STAB2: variants seen among roughly 807,000 people sequenced by gnomAD.
The protein encoded by STAB2 is stabilin-2.
In STAB2, 288 loss-of-function variants were observed where a neutral mutation model predicts 338.1. The ratio of observed to expected loss-of-function variants is 0.85; its 90% CI spans 0.77 to 0.94. STAB2 has a LOEUF of 0.94. STAB2 is among the 40% of genes least tolerant of loss of function. STAB2 has a pLI of 0.00. For missense variants in STAB2, 3,141 were observed against 3,210.1 expected, an observed-to-expected ratio of 0.98 and a Z score of 0.52; for synonymous variants, 1,202 against 1,193.3, an observed-to-expected ratio of 1.01 and a Z score of -0.15.
rs543807036 is a variant in STAB2 at position 103,727,460 on chromosome 12, C to G, written c.4935+110C>G. On this transcript the variant is annotated intron_variant, in intron 47 of 68. Transcript: ENST00000388887. Reference sequence around the variant, plus strand: ...TGTTTCTAAGCAGGAGCTCTGAGATCAGGTGGAACTCACCAGCAATAGAAG... The same window carrying G: ...TGTTTCTAAGCAGGAGCTCTGAGATGAGGTGGAACTCACCAGCAATAGAAG... 2.4e-6 allele frequency: 3 copies of G among 1,237,434 alleles called. No homozygotes were observed. The East Asian group carries it at 7.0e-5, about 29-fold the overall frequency. 76.7% of individuals were successfully genotyped at this position (1,237,434 alleles called of 1,614,324 possible).
rs774191753 is a variant in STAB2 at position 103,759,103 on chromosome 12, G to A, written c.7108-30G>A. 8.7e-6 allele frequency: 14 copies of A among 1,613,954 alleles called. No homozygotes were observed. The Admixed American group carries it at 1.7e-4, about 19-fold the overall frequency. ...GACAAAATATTGCTTGGCCTTTGAA[G>A]AGCATTCTGTGTTTCTCCTTTTTTC... On this transcript the variant is annotated intron_variant, in intron 64 of 68. Coordinates refer to ENST00000388887, the MANE Select transcript of STAB2 (RefSeq NM_017564.10).
At chr12:103,715,936 C>CTT in intron 43 of STAB2, 48 bp downstream of exon 43, 1 of 1,601,188 alleles carries the variant, frequency 6.2e-7, no homozygotes, top group Admixed American at 1.7e-5. Context: ...AAGGGAACTC[C>CTT]TAGGTCTTTA....
At chr12:103,733,205 T>C (rs767409290) in intron 51 of STAB2, 23 bp downstream of exon 51, 12 of 1,611,204 alleles carry the variant, frequency 7.4e-6, no homozygotes, top group Non-Finnish European at 1.0e-5. Context: ...CATGCAGACA[T>C]AAGTGCAAGA....
intron 58 of STAB2, among the ~76,000 whole-genome samples, chr12:103,748,009 A>G (rs1378241182): frequency 7.0e-6 from 1 of 143,118 alleles, no homozygotes; most frequent in East Asian, 2.0e-4. Context: ...AAAAAAAAAA[A>G]AAAAAGGGAA....
At chr12:103,702,013 CACACA>C (rs966091272) in intron 34 of STAB2, among the ~76,000 whole-genome samples, 1 of 119,690 alleles carries the variant, frequency 8.4e-6, no homozygotes, top group Admixed American at 8.5e-5. Flanking sequence ...CACACACACA[CACACA>C]CACACCCCAC....
In STAB2 at chr12:103,739,481, G is replaced by T. The variant is rs1195864092; in HGVS notation, c.5754+13G>T. ...GAGTAAACCAAAGGTAATTAAGACT[G>T]CAGTGATAATGTTTGGAGAGCCATA... On this transcript the variant is annotated intron_variant, in intron 54 of 68. Coordinates refer to ENST00000388887, the MANE Select transcript of STAB2 (RefSeq NM_017564.10). 6.4e-7 allele frequency: 1 copy of T among 1,574,660 alleles called. No homozygotes were observed. The highest frequency in any genetic ancestry group is 8.6e-7 in the Non-Finnish European group (1 of 1,160,152).
chr12:103,691,384 C>G (rs1877925241), intron 30 of STAB2, among the ~76,000 whole-genome samples: 1 of 152,190 alleles, frequency 6.6e-6, no homozygotes, highest in Admixed American at 6.5e-5. Context: ...ATATATGTGA[C>G]TCATCAGATA....
At chr12:103,613,029 C>G (rs1390547582) in intron 3 of STAB2, among the ~76,000 whole-genome samples, 2 of 152,160 alleles carry the variant, frequency 1.3e-5, no homozygotes, top group African/African-American at 2.4e-5. Context: ...AATGTTGCTG[C>G]CTGATTGTTC....
intron 10 of STAB2, among the ~76,000 whole-genome samples, chr12:103,649,107 C>G (rs966441459): frequency 6.6e-6 from 1 of 152,152 alleles, no homozygotes; most frequent in Non-Finnish European, 1.5e-5. Flanking sequence ...ACAGTAAGAA[C>G]AGGACAGCTA....
At position 103,730,200 on chromosome 12, in the gene STAB2, TTG is replaced by T. The variant is rs1379288878; in HGVS notation, c.5168_5169del (p.Leu1723SerfsTer34). 6 of 1,613,542 alleles carry T rather than the reference TTG, an allele frequency of 3.7e-6. No homozygotes were observed. The highest frequency in any genetic ancestry group is 5.1e-6 in the Non-Finnish European group (6 of 1,179,816). On this transcript the variant is annotated frameshift_variant, in exon 49 of 69. Transcript: ENST00000388887. LOFTEE classifies it high-confidence loss of function. Reference sequence around the variant, plus strand: ...TGGGATTGTTCATATCATAGACAAATTGCTATCTCCCAAAAATTTGCTTATCA... The same window carrying T: ...TGGGATTGTTCATATCATAGACAAATCTATCTCCCAAAAATTTGCTTATCA... ...TNGIVHIIDKLLSPKNLLITP... is the reference protein window; with the variant it reads ...TNGIVHIIDKXLSPKNLLITP...
intron 67 of STAB2, among the ~76,000 whole-genome samples, chr12:103,762,794 C>T (rs931995230): frequency 2.0e-5 from 3 of 152,218 alleles, no homozygotes; most frequent in Admixed American, 6.5e-5. Flanking sequence ...AACTGGGGGA[C>T]AGGGCTAGGG....
chr12:103,643,738 A>G (rs1350098227), intron 9 of STAB2, among the ~76,000 whole-genome samples: 2 of 151,976 alleles, frequency 1.3e-5, no homozygotes, highest in African/African-American at 4.8e-5. Context: ...GTTGCATTAG[A>G]AAAGATACCA....
At chr12:103,685,449 T>TGTGTGTGC (rs1555238700) in intron 27 of STAB2, among the ~76,000 whole-genome samples, 8 of 138,076 alleles carry the variant, frequency 5.8e-5, no homozygotes, top group Non-Finnish European at 8.1e-5. Context: ...TGTGTGTGTG[T>TGTGTGTGC]GTGTGCGCGT....
chr12:103,719,587 C>A (rs1482378784), intron 44 of STAB2, among the ~76,000 whole-genome samples: 2 of 152,250 alleles, frequency 1.3e-5, no homozygotes, highest in Non-Finnish European at 2.9e-5. Context: ...TCACTCCAAT[C>A]TTGCCTCCAT....
chr12:103,657,736 C>G (rs1207869384), intron 15 of STAB2: 1 of 152,168 alleles, frequency 6.6e-6, no homozygotes, highest in African/African-American at 2.4e-5. Flanking sequence ...ACTGCTTTTC[C>G]ATTTCAATTT....
chr12:103,762,865 T>G lies in STAB2; in HGVS notation c.7488+463T>G, dbSNP rs529595712. On this transcript the variant is annotated intron_variant, in intron 67 of 68. Transcript: ENST00000388887. ...TGACACTCATTTCTATTTGAACAGT[T>G]GAGTCCACATCCCAATCAGCAGCCA... 2.1e-3 allele frequency among the ~76,000 whole-genome samples: 315 copies of G among 152,302 alleles called. 3 individuals carry two copies. The highest frequency in any genetic ancestry group is 3.1e-3 in the South Asian group (15 of 4,828).
chr12:103,644,696 G>A (rs559097000), intron 9 of STAB2, among the ~76,000 whole-genome samples: 2 of 152,066 alleles, frequency 1.3e-5, no homozygotes, highest in South Asian at 4.1e-4. Context: ...GAAATGATAG[G>A]TACAAAAAAT....
intron 24 of STAB2, among the ~76,000 whole-genome samples, chr12:103,676,511 C>T (rs1455539963): frequency 6.6e-6 from 1 of 152,174 alleles, no homozygotes; most frequent in Non-Finnish European, 1.5e-5. Context: ...CACAGGGTCT[C>T]ACTCTGTTAC....
In STAB2 at chr12:103,681,756, G is replaced by T. The variant is rs537152278; in HGVS notation, c.2806-1449G>T. Among the ~76,000 whole-genome samples the T allele has an allele frequency of 1.7e-3, 254 of 151,628 alleles. 1 individual carries two copies. The highest frequency in any genetic ancestry group is 3.0e-3 in the Non-Finnish European group (207 of 67,910). The stretch of plus-strand genomic sequence containing the variant: ...CCTGCCTCAGCCTCCCAAGTAGCTG[G>T]GACTACAGGTGTGTGCCACCACACC... On this transcript the variant is annotated intron_variant, in intron 25 of 68. Coordinates refer to ENST00000388887, the MANE Select transcript of STAB2 (RefSeq NM_017564.10).
Sources: allele counts gnomAD v4.1 joint callset (sites outside exome capture counted in the v4.1 genomes callset), GRCh38; gene constraint gnomAD v4.1.1; transcripts MANE v1.5; gene names NCBI Gene and HGNC (gene_info 2026-07-23, HGNC 2026-07-21).